Variants in FMN2 observed in about 807,000 individuals in gnomAD.
The protein encoded by FMN2 is formin 2, also known as formin-2.
In FMN2, 51 loss-of-function variants were observed where a neutral mutation model predicts 142.3. The observed-to-expected ratio is 0.36, with a 90% confidence interval of 0.29 to 0.45. The LOEUF is 0.45. FMN2 is among the 20% of genes least tolerant of loss of function. FMN2 has a pLI of 1.00. For missense variants in FMN2, 1,936 were observed against 2,122.8 expected, an observed-to-expected ratio of 0.91 and a Z score of 1.73; for synonymous variants, 882 against 869.8, an observed-to-expected ratio of 1.01 and a Z score of -0.25.
chr1:240,362,562 A>G (rs1012738834), intron 14 of FMN2, among the ~76,000 whole-genome samples: 2 of 152,180 alleles, frequency 1.3e-5, no homozygotes, highest in South Asian at 2.1e-4. Context: ...TGGACAAAGT[A>G]TACACACAAA....
intron 13 of FMN2, among the ~76,000 whole-genome samples, chr1:240,354,842 A>AT (rs1365938234): frequency 6.6e-6 from 1 of 151,844 alleles, no homozygotes; most frequent in East Asian, 1.9e-4. Flanking sequence ...GGTTTTGGGG[A>AT]TTTTTTTGTT....
intron 2 of FMN2, among the ~76,000 whole-genome samples, chr1:240,125,405 T>C (rs1168797165): frequency 6.6e-6 from 1 of 152,134 alleles, no homozygotes; most frequent in Non-Finnish European, 1.5e-5. Flanking sequence ...GGAAAAAATA[T>C]ATAACTTAAA....
At chr1:240,361,202 GA>G (rs143509418) in intron 14 of FMN2, among the ~76,000 whole-genome samples, 15,553 of 129,526 alleles carry the variant, frequency 0.12, 1,026 homozygotes, top group Non-Finnish European at 0.15. Flanking sequence ...TTTAAAGAAG[GA>G]AAAAAACACG....
chr1:240,147,988 CTCTTG>C (rs1177763533), intron 2 of FMN2, among the ~76,000 whole-genome samples: 2 of 152,220 alleles, frequency 1.3e-5, no homozygotes, highest in Non-Finnish European at 2.9e-5. Context: ...ATGGAAGCTG[CTCTTG>C]TCTTTTGTTC....
chr1:240,228,335 AAAAGAAAAAGAAAAAGAAAG>A (rs1667412242), intron 6 of FMN2, among the ~76,000 whole-genome samples: 1 of 88,542 alleles, frequency 1.1e-5, no homozygotes. Context: ...AAAAAAAAGA[AAAAGAAAAAGAAAAAGAAAG>A]AAAAAAAATG....
At chr1:240,284,643 T>A (rs964835613) in intron 7 of FMN2, among the ~76,000 whole-genome samples, 1 of 152,196 alleles carries the variant, frequency 6.6e-6, no homozygotes, top group African/African-American at 2.4e-5. Flanking sequence ...GGGAAATATT[T>A]CTACTATTAG....
chr1:240,349,676 C>T (rs910710977), intron 13 of FMN2, among the ~76,000 whole-genome samples: 2 of 152,118 alleles, frequency 1.3e-5, no homozygotes, highest in Non-Finnish European at 2.9e-5. Flanking sequence ...TCTTTCTTTC[C>T]TCTGGCTGGG....
chr1:240,288,763 TGA>T (rs1423466728), intron 7 of FMN2, among the ~76,000 whole-genome samples: 1 of 151,960 alleles, frequency 6.6e-6, no homozygotes, highest in African/African-American at 2.4e-5. Context: ...CCAACTACCT[TGA>T]GAGTTGTCTA....
At chr1:240,441,638 C>T (rs74149110) in intron 16 of FMN2, among the ~76,000 whole-genome samples, 3,733 of 140,904 alleles carry the variant, frequency 0.026, 163 homozygotes, top group African/African-American at 0.093. Flanking sequence ...GTTAACCACT[C>T]GGTGTTGGTC....
intron 13 of FMN2, among the ~76,000 whole-genome samples, chr1:240,346,016 C>T (rs1671897428): frequency 6.6e-6 from 1 of 152,108 alleles, no homozygotes; most frequent in Non-Finnish European, 1.5e-5. Flanking sequence ...TATTTACCTG[C>T]ATTAAAAATG....
At chr1:240,175,112 A>G (rs1384351692) in intron 2 of FMN2, among the ~76,000 whole-genome samples, 2 of 152,206 alleles carry the variant, frequency 1.3e-5, no homozygotes, top group African/African-American at 4.8e-5. Flanking sequence ...TATTTCATTT[A>G]GCCAAATGTC....
intron 1 of FMN2, among the ~76,000 whole-genome samples, chr1:240,120,274 C>A (rs1177989319): frequency 1.3e-5 from 2 of 152,164 alleles, no homozygotes; most frequent in Non-Finnish European, 2.9e-5. Flanking sequence ...ATAGACTTGG[C>A]CTGGTTTTGC....
At chr1:240,130,995 T>C (rs1307779925) in intron 2 of FMN2, among the ~76,000 whole-genome samples, 1 of 152,124 alleles carries the variant, frequency 6.6e-6, no homozygotes. Context: ...TGGCTTACGA[T>C]TCACTTTAAA....
chr1:240,354,660 G>T (rs1055956673), intron 13 of FMN2, among the ~76,000 whole-genome samples: 9 of 152,128 alleles, frequency 5.9e-5, no homozygotes, highest in Non-Finnish European at 1.3e-4. Context: ...TGCTGGGAAG[G>T]ATGTGCACTA....
intron 6 of FMN2, among the ~76,000 whole-genome samples, chr1:240,255,419 G>A (rs998929971): frequency 3.9e-5 from 6 of 152,086 alleles, no homozygotes; most frequent in South Asian, 2.1e-4. Context: ...TTTGTCCAAG[G>A]AACACACTTT....
chr1:240,272,544 C>A (rs1669052738), intron 7 of FMN2, among the ~76,000 whole-genome samples: 1 of 152,158 alleles, frequency 6.6e-6, no homozygotes, highest in African/African-American at 2.4e-5. Context: ...TGGATACTCT[C>A]AGGATGCTCC....
chr1:240,106,981 G>T (rs1661640325), intron 1 of FMN2, among the ~76,000 whole-genome samples: 2 of 151,496 alleles, frequency 1.3e-5, no homozygotes, highest in Admixed American at 1.3e-4. Flanking sequence ...ACCATGCCCG[G>T]CCTTTTCCAG....
intron 6 of FMN2, among the ~76,000 whole-genome samples, chr1:240,238,204 T>C (rs2102862128): frequency 6.6e-6 from 1 of 152,340 alleles, no homozygotes; most frequent in East Asian, 1.9e-4. Flanking sequence ...ATAATGGTGT[T>C]AAAATAAGGT....
intron 2 of FMN2, among the ~76,000 whole-genome samples, chr1:240,128,739 T>C (rs1217744023): frequency 6.6e-6 from 1 of 152,192 alleles, no homozygotes; most frequent in African/African-American, 2.4e-5. Context: ...TTGAACCTGT[T>C]GAAAGATGAA....
Sources: gnomAD v4.1 joint callset for allele counts (sites outside exome capture counted in the v4.1 genomes callset) on GRCh38, gnomAD v4.1.1 for gene constraint, MANE v1.5 for transcripts, NCBI Gene and HGNC (gene_info 2026-07-23, HGNC 2026-07-21) for gene names.